The following ENTREP2 variants were observed in gnomAD, a reference collection of about 807,000 sequenced individuals.
ENTREP2 encodes the protein endosomal transmembrane epsin interactor 2, also known as protein ENTREP2.
the ENTREP2 span, among the ~76,000 whole-genome samples, chr15:29,272,920 A>G: frequency 6.6e-6 from 1 of 152,154 alleles, no homozygotes; most frequent in African/African-American, 2.4e-5. Flanking sequence ...GTGGTCTTTT[A>G]CCAGGAAGAA....
At chr15:29,514,123 T>C in the ENTREP2 span, among the ~76,000 whole-genome samples, 19 of 152,228 alleles carry the variant, frequency 1.2e-4, no homozygotes, top group African/African-American at 4.3e-4. Context: ...CATTTTTAAG[T>C]GTACAGTACT....
the ENTREP2 span, among the ~76,000 whole-genome samples, chr15:29,309,079 G>T: frequency 1.3e-5 from 2 of 152,076 alleles, no homozygotes; most frequent in Non-Finnish European, 1.5e-5. Flanking sequence ...TATATAAATT[G>T]GTGTGCTTTT....
chr15:29,357,247 A>C, the ENTREP2 span, among the ~76,000 whole-genome samples: 1 of 152,200 alleles, frequency 6.6e-6, no homozygotes, highest in South Asian at 2.1e-4. Flanking sequence ...AAAAAAAAAG[A>C]AGCAAATGTT....
chr15:29,224,145 G>C, the ENTREP2 span, among the ~76,000 whole-genome samples: 49,637 of 150,884 alleles, frequency 0.33, 9,909 homozygotes, highest in East Asian at 0.6. Flanking sequence ...GTGGGTTCGT[G>C]GTCTCGCTGG....
chr15:29,474,342 C>T, the ENTREP2 span, among the ~76,000 whole-genome samples: 1 of 152,132 alleles, frequency 6.6e-6, no homozygotes, highest in African/African-American at 2.4e-5. Context: ...GGGCACCCCT[C>T]CTGGGTAGGG....
the ENTREP2 span, chr15:29,234,570 A>G: frequency 6.9e-7 from 1 of 1,448,102 alleles, no homozygotes. Flanking sequence ...GCACGTCGAC[A>G]GCTAATTAAA....
the ENTREP2 span, chr15:29,123,476 T>G: frequency 1.9e-6 from 3 of 1,551,670 alleles, no homozygotes; most frequent in East Asian, 7.3e-5. Flanking sequence ...TCCAAAAACT[T>G]GGCCACCAAA....
chr15:29,246,955 C>CAGATGATG, the ENTREP2 span, among the ~76,000 whole-genome samples: 1 of 141,440 alleles, frequency 7.1e-6, no homozygotes, highest in South Asian at 2.3e-4. Flanking sequence ...AAAATATGTG[C>CAGATGATG]AGATGATGAC....
At chr15:29,408,222 C>G in the ENTREP2 span, among the ~76,000 whole-genome samples, 4 of 152,104 alleles carry the variant, frequency 2.6e-5, no homozygotes, top group South Asian at 8.3e-4. Flanking sequence ...CTGTTCTAGG[C>G]ACAGGGGATC....
the ENTREP2 span, among the ~76,000 whole-genome samples, chr15:29,281,609 G>T: frequency 1.3e-5 from 2 of 152,248 alleles, no homozygotes; most frequent in Non-Finnish European, 1.5e-5. Flanking sequence ...AAGCTGGAAA[G>T]ATTCTAGGTC....
At chr15:29,462,283 A>G in the ENTREP2 span, among the ~76,000 whole-genome samples, 13 of 152,174 alleles carry the variant, frequency 8.5e-5, no homozygotes, top group African/African-American at 3.1e-4. Flanking sequence ...GGATTGCTGG[A>G]TCACATGGTA....
chr15:29,345,617 C>A, the ENTREP2 span, among the ~76,000 whole-genome samples: 1 of 152,090 alleles, frequency 6.6e-6, no homozygotes, highest in African/African-American at 2.4e-5. Flanking sequence ...ACATTCTGTA[C>A]GGCTCCAGGC....
At chr15:29,365,220 C>T in the ENTREP2 span, among the ~76,000 whole-genome samples, 1 of 151,448 alleles carries the variant, frequency 6.6e-6, no homozygotes, top group Non-Finnish European at 1.5e-5. Flanking sequence ...AAGTTTCTTC[C>T]ATGTCTTTTC....
the ENTREP2 span, among the ~76,000 whole-genome samples, chr15:29,525,693 A>G: frequency 2.0e-5 from 3 of 152,260 alleles, no homozygotes; most frequent in African/African-American, 7.2e-5. Flanking sequence ...AGACAAAACT[A>G]TAGTATGGAG....
At chr15:29,550,958 T>C in the ENTREP2 span, among the ~76,000 whole-genome samples, 2 of 152,144 alleles carry the variant, frequency 1.3e-5, no homozygotes, top group African/African-American at 4.8e-5. Context: ...AATCCATGGG[T>C]GCAATCAGAT....
chr15:29,223,852 C>G, the ENTREP2 span, among the ~76,000 whole-genome samples: 1 of 152,196 alleles, frequency 6.6e-6, no homozygotes, highest in Admixed American at 6.5e-5. Flanking sequence ...AGCAGGCACT[C>G]TCTGGAGAGG....
the ENTREP2 span, among the ~76,000 whole-genome samples, chr15:29,174,179 A>G: frequency 6.6e-6 from 1 of 152,242 alleles, no homozygotes; most frequent in African/African-American, 2.4e-5. Flanking sequence ...TTTTGGGGAC[A>G]TGTCTCTTCC....
At chr15:29,656,800 A>G in the ENTREP2 span, among the ~76,000 whole-genome samples, 2 of 152,350 alleles carry the variant, frequency 1.3e-5, no homozygotes, top group South Asian at 4.1e-4. Context: ...CGTTTCTTCT[A>G]AAGTTAAGCA....
the ENTREP2 span, among the ~76,000 whole-genome samples, chr15:29,631,699 T>A: frequency 1.3e-5 from 2 of 152,246 alleles, no homozygotes; most frequent in Non-Finnish European, 2.9e-5. Context: ...CTATCTGAGA[T>A]CCTCTTCCCC....
Sources: gnomAD v4.1 joint callset for allele counts (sites outside exome capture counted in the v4.1 genomes callset) on GRCh38, gnomAD v4.1.1 for gene constraint, MANE v1.5 for transcripts, NCBI Gene and HGNC (gene_info 2026-07-23, HGNC 2026-07-21) for gene names.